The following UHMK1 variants were observed in gnomAD, a reference collection of about 807,000 sequenced individuals.
UHMK1 encodes U2AF homology motif kinase 1.
In UHMK1, 18 loss-of-function variants were observed where a neutral mutation model predicts 44.0. The ratio of observed to expected loss-of-function variants is 0.41; its 90% confidence interval spans 0.28 to 0.61. UHMK1 has a LOEUF of 0.61. UHMK1 is among the 20% of genes least tolerant of loss of function. The probability of loss-of-function intolerance (pLI) is 0.31; values close to 1 mark genes in which losing one functional copy is unlikely to be tolerated. For missense variants in UHMK1, 463 were observed against 522.5 expected, an observed-to-expected ratio of 0.89 and a Z score of 1.11; for synonymous variants, 231 against 198.5, an observed-to-expected ratio of 1.16 and a Z score of -1.38.
chr1:162,506,912 A>G (rs903119119), intron 4 of UHMK1, among the ~76,000 whole-genome samples: 1 of 152,000 alleles, frequency 6.6e-6, no homozygotes, highest in African/African-American at 2.4e-5. Context: ...TGCCCAGAGG[A>G]TTTTAACTTT....
intron 4 of UHMK1, among the ~76,000 whole-genome samples, chr1:162,509,410 T>G (rs187877876): frequency 8.1e-4 from 124 of 152,326 alleles, no homozygotes; most frequent in Non-Finnish European, 1.5e-3. Flanking sequence ...CTCTTATGAT[T>G]TTACAAAGAA....
chr1:162,501,302 TG>T (rs1404661074), intron 3 of UHMK1, among the ~76,000 whole-genome samples, 198 bp downstream of exon 3: 2 of 152,160 alleles, frequency 1.3e-5, no homozygotes, highest in Admixed American at 1.3e-4. Flanking sequence ...CCTGAGTAGC[TG>T]GGATTACAGG....
At chr1:162,499,433 C>G (rs1651187747) in intron 1 of UHMK1, among the ~76,000 whole-genome samples, 1 of 152,148 alleles carries the variant, frequency 6.6e-6, no homozygotes, top group African/African-American at 2.4e-5. Context: ...TCTCAGAATG[C>G]TGGGATCACG....
chr1:162,514,044 A>G (rs1295412013), intron 6 of UHMK1, among the ~76,000 whole-genome samples: 1 of 152,216 alleles, frequency 6.6e-6, no homozygotes, highest in East Asian at 1.9e-4. Flanking sequence ...AACTTAGACC[A>G]AGGACAACAG....
At chr1:162,497,797 C>T (rs980714967), upstream of UHMK1, 23 of 1,339,018 alleles carry the variant, frequency 1.7e-5, no homozygotes, top group African/African-American at 3.4e-4. Flanking sequence ...ATGATAGGCT[C>T]TTCCTCCATT....
intron 6 of UHMK1, among the ~76,000 whole-genome samples, chr1:162,516,853 A>G (rs764520529): frequency 1.3e-5 from 2 of 152,216 alleles, no homozygotes; most frequent in East Asian, 1.9e-4. Flanking sequence ...ACATTTGATT[A>G]TCCTCTTGTG....
At chr1:162,505,877 A>G (rs1254055650) in intron 4 of UHMK1, among the ~76,000 whole-genome samples, 2 of 152,208 alleles carry the variant, frequency 1.3e-5, no homozygotes, top group Non-Finnish European at 2.9e-5. Context: ...GACTCACAGG[A>G]CTTTGCAAAA....
intron 3 of UHMK1, 45 bp downstream of exon 3, chr1:162,501,149 T>A: frequency 6.4e-7 from 1 of 1,553,216 alleles, no homozygotes; most frequent in Non-Finnish European, 8.7e-7. Context: ...ACTTTCAACT[T>A]AAGAGTATTC....
chr1:162,501,379 A>G (rs1447213557), intron 3 of UHMK1, among the ~76,000 whole-genome samples: 1 of 152,156 alleles, frequency 6.6e-6, no homozygotes, highest in African/African-American at 2.4e-5. Flanking sequence ...CATGTTGGCC[A>G]GGCTGGTCTC....
intron 7 of UHMK1, among the ~76,000 whole-genome samples, chr1:162,519,021 A>G (rs1651947331): frequency 6.6e-6 from 1 of 151,138 alleles, no homozygotes; most frequent in South Asian, 2.1e-4. Context: ...GAGCCACTGT[A>G]AACAGTAACA....
intron 4 of UHMK1, among the ~76,000 whole-genome samples, chr1:162,508,616 C>T (rs1571009986): frequency 1.3e-5 from 2 of 151,520 alleles, no homozygotes; most frequent in Admixed American, 6.6e-5. Flanking sequence ...GCAGGAGGAT[C>T]GATTGAATCC....
At chr1:162,498,994 G>T (rs1005933676) in intron 1 of UHMK1, among the ~76,000 whole-genome samples, 2 of 152,090 alleles carry the variant, frequency 1.3e-5, no homozygotes, top group Non-Finnish European at 2.9e-5. Flanking sequence ...TTTTGGAGAA[G>T]AATTAACACT....
chr1:162,502,886 A>G (rs1365227376), intron 3 of UHMK1, among the ~76,000 whole-genome samples: 1 of 152,242 alleles, frequency 6.6e-6, no homozygotes, highest in Non-Finnish European at 1.5e-5. Flanking sequence ...TTAATAAAGA[A>G]ATGATACTTT....
Position 162,518,184 on chromosome 1 carries a change from A to T in UHMK1, c.1107A>T (p.Arg369Ser). The T allele has an allele frequency of 6.2e-7, 1 of 1,606,394 alleles. No individual in the cohort carries two copies. The highest frequency in any genetic ancestry group is 8.5e-7 in the Non-Finnish European group (1 of 1,173,254). ...SLLVPKENPG[R>S]GQVFVEYANA... is the part of the protein sequence containing the mutation. ...TTGTTCCAAAGGAAAATCCTGGCAG[A>T]GGACAAGTAAGTGAATATTTTCATA... Residue 369 changes from arginine (R) to serine (S), a missense_variant, in exon 7 of 8, where the codon AGA becomes AGT. By Grantham distance (110) the Arg-to-Ser change is moderately radical (BLOSUM62 -1). Transcript: ENST00000489294.
chr1:162,515,397 A>G (rs1177077481), intron 6 of UHMK1, among the ~76,000 whole-genome samples: 2 of 152,212 alleles, frequency 1.3e-5, no homozygotes, highest in East Asian at 1.9e-4. Flanking sequence ...AAAAATATCA[A>G]TTGCTTAATA....
At chr1:162,513,014 ACG>A in intron 6 of UHMK1, 191 bp downstream of exon 6, 19 of 532,664 alleles carry the variant, frequency 3.6e-5, no homozygotes, top group Non-Finnish European at 5.2e-5. Flanking sequence ...GTGCAGTGGC[ACG>A]ATCTCAGCTC....
chr1:162,497,824 C>T lies in UHMK1; in HGVS notation c.-177C>T. ...TCCTCCATTTCCGGCTTCTGGGACT[C>T]GGGTGCACCACGGCTTCCGGTGTCA... On this transcript the variant is annotated 5_prime_UTR_variant, in exon 1 of 8. Transcript: ENST00000489294. 1.5e-6 allele frequency: 2 copies of T among 1,348,516 alleles called. No individual in the cohort carries two copies. Among genetic ancestry groups the T allele is most frequent in the Non-Finnish European group, 1.9e-6 (2 of 1,055,142 alleles). The allele number at this position is 1,348,516 out of a possible 1,614,324, so 83.5% of individuals were successfully genotyped here.
At chr1:162,519,326 A>C (rs2101684761) in intron 7 of UHMK1, among the ~76,000 whole-genome samples, 1 of 151,572 alleles carries the variant, frequency 6.6e-6, no homozygotes, top group South Asian at 2.1e-4. Flanking sequence ...AAAAAAAAAA[A>C]AAACAGTAAC....
At chr1:162,513,716 G>T (rs1400921008) in intron 6 of UHMK1, among the ~76,000 whole-genome samples, 1 of 152,172 alleles carries the variant, frequency 6.6e-6, no homozygotes, top group African/African-American at 2.4e-5. Flanking sequence ...AAATTGGTAT[G>T]ACTGTATCTT....
Sources: allele counts gnomAD v4.1 joint callset (sites outside exome capture counted in the v4.1 genomes callset), GRCh38; gene constraint gnomAD v4.1.1; transcripts MANE v1.5; gene names NCBI Gene and HGNC (gene_info 2026-07-23, HGNC 2026-07-21).